CALN1: variants seen among roughly 807,000 people sequenced by gnomAD.
CALN1 encodes the protein calcium-binding protein 8.
Under a neutral mutation model 30.6 loss-of-function variants are expected in CALN1, and 17 were observed. The ratio of observed to expected loss-of-function variants is 0.56; its 90% CI spans 0.38 to 0.83. CALN1 has a LOEUF of 0.83. CALN1 is among the 40% of genes least tolerant of loss of function. CALN1 has a pLI of 0.00. For synonymous variants in CALN1, 156 were observed against 131.4 expected, an observed-to-expected ratio of 1.19 and a Z score of -1.28; for missense variants, 291 against 354.9, an observed-to-expected ratio of 0.82 and a Z score of 1.45.
intron 5 of CALN1, among the ~76,000 whole-genome samples, chr7:71,949,919 G>C (rs1796602918): frequency 6.6e-6 from 1 of 151,954 alleles, no homozygotes. Context: ...CTGCCACTAC[G>C]CCTGGCTAAT....
chr7:72,120,915 G>T (rs1024478260), intron 3 of CALN1, among the ~76,000 whole-genome samples: 1 of 151,956 alleles, frequency 6.6e-6, no homozygotes, highest in African/African-American at 2.4e-5. Context: ...TCTGAATCCA[G>T]GTGAGGGGAC....
intron 2 of CALN1, among the ~76,000 whole-genome samples, chr7:72,344,675 T>G (rs1023209647): frequency 1.4e-5 from 2 of 147,122 alleles, no homozygotes; most frequent in African/African-American, 4.9e-5. Context: ...TATATTTTAT[T>G]TATGTATATA....
intron 3 of CALN1, among the ~76,000 whole-genome samples, chr7:72,180,382 C>T (rs1355540565): frequency 2.0e-5 from 3 of 151,938 alleles, no homozygotes; most frequent in South Asian, 4.2e-4. Context: ...TCTCCATAAA[C>T]CTTTCATCTC....
In CALN1 at chr7:72,338,470, A is replaced by AGAGAGTGT. The variant is rs1031551970; in HGVS notation, c.120-59661_120-59660insACACTCTC. On this transcript the variant is annotated intron_variant, in intron 2 of 6. Coordinates refer to ENST00000395275, the MANE Select transcript of CALN1 (RefSeq NM_031468.4). ...GGGCGTTTTTGTCAGCCAGCAGCAC[A>AGAGAGTGT]GTGTGTGTGTGTGTGTGTGTGTGTG... 2.5e-4 allele frequency among the ~76,000 whole-genome samples: 19 copies of AGAGAGTGT among 74,804 alleles called. No homozygotes were observed. In the East Asian group the frequency reaches 5.4e-3, roughly 21 times the overall value. The allele number at this position is 74,804 out of a possible 152,430, so 49.1% of individuals were successfully genotyped here.
chr7:72,046,261 G>C (rs57830014), intron 4 of CALN1, among the ~76,000 whole-genome samples: 2 of 151,958 alleles, frequency 1.3e-5, no homozygotes, highest in African/African-American at 2.4e-5. Flanking sequence ...TGGAGACAAG[G>C]TCTCTTTTTC....
At chr7:72,240,441 A>G (rs999462967) in intron 3 of CALN1, among the ~76,000 whole-genome samples, 1 of 152,232 alleles carries the variant, frequency 6.6e-6, no homozygotes, top group East Asian at 1.9e-4. Context: ...GCAATTCTCC[A>G]GCCTTGGCCT....
At chr7:72,499,601 A>C in the CALN1 span, among the ~76,000 whole-genome samples, 3,055 of 152,280 alleles carry the variant, frequency 0.02, 102 homozygotes, top group African/African-American at 0.068. Flanking sequence ...ATGCAGACTC[A>C]TATGCAAATA....
At chr7:71,971,277 C>T (rs1022975655) in intron 5 of CALN1, among the ~76,000 whole-genome samples, 3 of 152,042 alleles carry the variant, frequency 2.0e-5, no homozygotes, top group South Asian at 2.1e-4. Context: ...GGTGAAACCC[C>T]GTCTCTACTA....
intron 5 of CALN1, among the ~76,000 whole-genome samples, chr7:72,009,425 C>T (rs1008810543): frequency 3.3e-5 from 5 of 152,020 alleles, no homozygotes; most frequent in South Asian, 2.1e-4. Flanking sequence ...CCTAAGAATA[C>T]AAAAATGATT....
At chr7:71,922,491 T>C (rs1052276953) in intron 5 of CALN1, among the ~76,000 whole-genome samples, 11 of 145,194 alleles carry the variant, frequency 7.6e-5, no homozygotes, top group African/African-American at 2.8e-4. Context: ...ATTAATATAA[T>C]ATATAATATA....
chr7:71,842,746 C>A (rs1221342595), intron 5 of CALN1, among the ~76,000 whole-genome samples: 1 of 152,102 alleles, frequency 6.6e-6, no homozygotes, highest in Non-Finnish European at 1.5e-5. Flanking sequence ...GGCTTTGAAC[C>A]CCATAACTAT....
the CALN1 span, among the ~76,000 whole-genome samples, chr7:72,486,600 T>C: frequency 4.7e-4 from 72 of 152,268 alleles, no homozygotes; most frequent in East Asian, 0.013. Flanking sequence ...CTCAAACTCC[T>C]GACCTCAAGT....
chr7:72,083,918 C>T (rs984555985), intron 4 of CALN1, among the ~76,000 whole-genome samples: 2 of 151,964 alleles, frequency 1.3e-5, no homozygotes, highest in African/African-American at 4.8e-5. Context: ...AGACATACTA[C>T]ATAACAATCG....
At chr7:72,187,058 T>C (rs149885563) in intron 3 of CALN1, among the ~76,000 whole-genome samples, 31 of 152,132 alleles carry the variant, frequency 2.0e-4, no homozygotes, top group African/African-American at 6.5e-4. Context: ...CTGAGACTGA[T>C]GGAAATTTGG....
intron 3 of CALN1, among the ~76,000 whole-genome samples, chr7:72,166,234 C>T (rs1324696297): frequency 2.0e-5 from 3 of 152,166 alleles, no homozygotes; most frequent in African/African-American, 4.8e-5. Flanking sequence ...GACAGGTTCT[C>T]GCTGTTACCC....
the CALN1 span, among the ~76,000 whole-genome samples, chr7:72,474,841 A>G: frequency 1.7e-4 from 26 of 152,188 alleles, no homozygotes; most frequent in Non-Finnish European, 2.4e-4. Flanking sequence ...GGGGCTGTGC[A>G]GTCCCTAAAC....
intron 5 of CALN1, among the ~76,000 whole-genome samples, chr7:71,978,974 G>C (rs530050591): frequency 2.0e-5 from 3 of 152,288 alleles, no homozygotes; most frequent in African/African-American, 7.2e-5. Flanking sequence ...TGTTTGCAGA[G>C]AGAACAGCCT....
intron 5 of CALN1, among the ~76,000 whole-genome samples, chr7:71,909,321 G>C (rs76133500): frequency 6.6e-6 from 1 of 152,054 alleles, no homozygotes; most frequent in Non-Finnish European, 1.5e-5. Flanking sequence ...TTCTCATTGC[G>C]GCAAGCCATC....
chr7:72,240,437 C>T (rs1319354910), intron 3 of CALN1, among the ~76,000 whole-genome samples: 2 of 152,176 alleles, frequency 1.3e-5, no homozygotes, highest in African/African-American at 2.4e-5. Flanking sequence ...TCAAGCAATT[C>T]TCCAGCCTTG....
Sources: gnomAD v4.1 joint callset for allele counts (sites outside exome capture counted in the v4.1 genomes callset) on GRCh38, gnomAD v4.1.1 for gene constraint, MANE v1.5 for transcripts, NCBI Gene and HGNC (gene_info 2026-07-23, HGNC 2026-07-21) for gene names.